LRSAM1: variants seen among roughly 807,000 people sequenced by gnomAD.
The protein encoded by LRSAM1 is leucine rich repeat and sterile alpha motif containing 1.
LRSAM1 carries 96 observed loss-of-function variants against 118.1 expected under a neutral mutation model. That is an observed-to-expected ratio of 0.81 (90% CI 0.69 to 0.96). LRSAM1 has a LOEUF of 0.96. Ranked by LOEUF, LRSAM1 falls within the 40% of genes least tolerant of loss-of-function variation. LRSAM1 has a pLI of 0.00. For synonymous variants in LRSAM1, 322 were observed against 364.2 expected (o/e 0.88, Z 1.32); for missense variants, 804 against 915.5 (o/e 0.88, Z 1.57).
intron 24 of LRSAM1, among the ~76,000 whole-genome samples, chr9:127,499,163 A>G (rs1419200983): frequency 6.6e-6 from 1 of 152,204 alleles, no homozygotes; most frequent in East Asian, 1.9e-4. Context: ...ACTCAAGCCC[A>G]GGAGTTTGAG....
chr9:127,492,767 G>C (rs930702083), intron 20 of LRSAM1, 35 bp from the exon 21 acceptor site: 2 of 1,603,008 alleles, frequency 1.2e-6, no homozygotes, highest in Non-Finnish European at 1.7e-6. Context: ...GCTGCCGCCA[G>C]CTCACGGTGG....
chr9:127,479,052 C>T lies in LRSAM1; in HGVS notation c.780+89C>T. On this transcript the variant is annotated intron_variant, in intron 12 of 25. Transcript: ENST00000300417. ...AAATATTTGAGAAAATGACTTCTTC[C>T]CAGCTCAGAATTAGAGGTCACAGTA... is the stretch of plus-strand genomic sequence containing the variant. 5 of 1,418,856 alleles carry T rather than the reference C, an allele frequency of 3.5e-6. No homozygotes were observed. The South Asian group carries it at 5.8e-5, about 16-fold the overall frequency. The allele number at this position is 1,418,856 out of a possible 1,614,324, so 87.9% of individuals were successfully genotyped here. A position where few individuals can be genotyped will look rare whatever the true frequency, so the allele number is the denominator to read the frequency against.
chr9:127,480,208 G>A (rs1418912875), intron 14 of LRSAM1, among the ~76,000 whole-genome samples: 1 of 152,182 alleles, frequency 6.6e-6, no homozygotes, highest in African/African-American at 2.4e-5. Context: ...TTGGACCTGT[G>A]GCCTCGGGCA....
In LRSAM1 at chr9:127,501,137, A is replaced by G. The variant is rs1383361489; in HGVS notation, c.2040A>G (p.Glu680=). 6.2e-7 allele frequency: 1 copy of G among 1,613,072 alleles called. No individual in the cohort carries two copies. Among genetic ancestry groups the G allele is most frequent in the Admixed American group, 1.7e-5 (1 of 59,992 alleles). Residue 680 remains glutamate (E), a synonymous_variant, in exon 25 of 26, where the codon GAA becomes GAG. Coordinates refer to ENST00000300417, the MANE Select transcript of LRSAM1 (RefSeq NM_001005373.4). ...CCTCAGAGTGTGTCGTGTGCCTGGA[A>G]CGGGAGGTAAGTCCGGGGCCCTCCC... ...VQASECVVCL[E]REAQMIFLNC... is the part of the protein sequence containing the mutation.
intron 17 of LRSAM1, among the ~76,000 whole-genome samples, chr9:127,487,214 G>A (rs1227890384): frequency 6.6e-6 from 1 of 151,220 alleles, no homozygotes; most frequent in East Asian, 1.9e-4. Flanking sequence ...CCAAGATGGT[G>A]CCAAAGCACA....
chr9:127,452,596 G>A (rs1834367353), intron 2 of LRSAM1, among the ~76,000 whole-genome samples: 1 of 152,182 alleles, frequency 6.6e-6, no homozygotes, highest in Non-Finnish European at 1.5e-5. Context: ...CATTTATTGA[G>A]CGCTCATGTG....
At chr9:127,479,659 C>A (rs534629574) in intron 13 of LRSAM1, among the ~76,000 whole-genome samples, 154 bp downstream of exon 13, 3 of 152,326 alleles carry the variant, frequency 2.0e-5, no homozygotes, top group African/African-American at 7.2e-5. Flanking sequence ...TTACAGATCA[C>A]CCAGCCCAGC....
chr9:127,475,349 G>T (rs1835314923), intron 11 of LRSAM1, among the ~76,000 whole-genome samples: 1 of 152,054 alleles, frequency 6.6e-6, no homozygotes, highest in Admixed American at 6.6e-5. Context: ...AACTTAGCCA[G>T]GCATGGAGGC....
intron 14 of LRSAM1, 136 bp from the exon 15 acceptor site, chr9:127,481,047 A>G (rs1399555122): frequency 2.3e-6 from 2 of 860,432 alleles, no homozygotes; most frequent in Non-Finnish European, 3.7e-6. Context: ...GTAACTGGCT[A>G]AGAACCCAGA....
intron 8 of LRSAM1, among the ~76,000 whole-genome samples, chr9:127,461,473 C>A (rs368056307): frequency 3.3e-5 from 5 of 152,200 alleles, no homozygotes; most frequent in Non-Finnish European, 7.4e-5. Flanking sequence ...AGAGCCAGGG[C>A]CGTATGGCCG....
chr9:127,476,085 G>A lies in LRSAM1; in HGVS notation c.750+2154G>A, dbSNP rs76563060. ...GCACAGCCCGTGATCCAGAAGTTCC[G>A]CTTCTCAATGTATACCCAAGATAAA... On this transcript the variant is annotated intron_variant, in intron 11 of 25. Coordinates refer to ENST00000300417, the MANE Select transcript of LRSAM1 (RefSeq NM_001005373.4). Among the ~76,000 whole-genome samples the A allele has an allele frequency of 1.4e-4, 22 of 152,228 alleles. No homozygotes were observed. In the East Asian group the frequency reaches 4.1e-3, roughly 28 times the overall value.
chr9:127,497,205 G>A (rs1836181940), intron 23 of LRSAM1, 48 bp from the exon 24 acceptor site: 2 of 1,591,280 alleles, frequency 1.3e-6, no homozygotes, highest in Non-Finnish European at 1.7e-6. Context: ...ACACCATTTA[G>A]CGGGCTCCCG....
chr9:127,483,058 T>A, intron 16 of LRSAM1, 38 bp downstream of exon 16: 1 of 1,593,924 alleles, frequency 6.3e-7, no homozygotes, highest in Non-Finnish European at 8.6e-7. Context: ...GCACGCTGCC[T>A]GCTGGCTGGG....
intron 22 of LRSAM1, 104 bp from the exon 23 acceptor site, chr9:127,495,860 C>T: frequency 4.0e-6 from 6 of 1,504,022 alleles, no homozygotes; most frequent in South Asian, 1.2e-5. Context: ...ATCCCGAGTA[C>T]ATTCTATGTA....
intron 6 of LRSAM1, 45 bp from the exon 7 acceptor site, chr9:127,458,958 A>G: frequency 3.7e-6 from 6 of 1,605,900 alleles, no homozygotes; most frequent in Non-Finnish European, 5.1e-6. Flanking sequence ...CCGGAGTCTG[A>G]GGGACTTTCT....
chr9:127,458,986 G>T lies in LRSAM1; in HGVS notation c.253-17G>T, dbSNP rs202146452. Reference sequence around the variant, plus strand: ...GACTTTCTCACTTGGAGACTCACAGGGGTCTTTCTTCTGCAGGTTCTAGAT... The same window carrying T: ...GACTTTCTCACTTGGAGACTCACAGTGGTCTTTCTTCTGCAGGTTCTAGAT... On this transcript the variant is annotated splice_polypyrimidine_tract_variant and intron_variant, in intron 6 of 25. Transcript: ENST00000300417. The T allele has an allele frequency of 1.7e-5, 27 of 1,613,196 alleles. No individual in the cohort carries two copies. The East Asian group carries it at 5.8e-4, about 35-fold the overall frequency.
At chr9:127,480,113 G>A in intron 14 of LRSAM1, 135 bp downstream of exon 14, 2 of 1,165,904 alleles carry the variant, frequency 1.7e-6, no homozygotes, top group Non-Finnish European at 2.5e-6. Flanking sequence ...CAGTCTGGGT[G>A]CTTCAACTGG....
intron 6 of LRSAM1, among the ~76,000 whole-genome samples, chr9:127,457,992 C>T (rs765772808): frequency 1.0e-4 from 15 of 148,936 alleles, no homozygotes; most frequent in Non-Finnish European, 2.1e-4. Flanking sequence ...TAATATTTTG[C>T]ACCTGAGTTT....
rs370797643 is a variant in LRSAM1, at chr9:127,487,619, A to G, written c.1260-57A>G. On this transcript the variant is annotated intron_variant, in intron 17 of 25. Transcript: ENST00000300417. The stretch of plus-strand genomic sequence containing the variant: ...TGATCTCCTCCAAGGGGCCTGGCAC[A>G]TAGTAGGTGCTCGGGAAACGTTCCA... The G allele has an allele frequency of 1.5e-4, 230 of 1,510,652 alleles. 1 individual carries two copies. The African/African-American group carries it at 3.0e-3, about 20-fold the overall frequency. The allele number at this position is 1,510,652 out of a possible 1,614,324, so 93.6% of individuals were successfully genotyped here.
Sources: allele counts gnomAD v4.1 joint callset (sites outside exome capture counted in the v4.1 genomes callset), GRCh38; gene constraint gnomAD v4.1.1; transcripts MANE v1.5; gene names NCBI Gene and HGNC (gene_info 2026-07-23, HGNC 2026-07-21).